NDUFA5: variants seen among roughly 807,000 people sequenced by gnomAD.
NDUFA5 encodes NADH:ubiquinone oxidoreductase subunit A5.
A neutral mutation model predicts 19.8 loss-of-function variants in NDUFA5; 11 were observed. The ratio of observed to expected loss-of-function variants is 0.56; its 90% CI spans 0.35 to 0.92. The LOEUF (loss-of-function observed/expected upper bound fraction) is 0.92, where lower values mean the gene tolerates loss of function less well. Ranked by LOEUF, NDUFA5 falls within the 40% of genes least tolerant of loss-of-function variation. NDUFA5 has a pLI of 0.01. For synonymous variants in NDUFA5, 47 were observed against 46.8 expected (o/e 1.00, Z -0.01); for missense variants, 109 against 134.2 (o/e 0.81, Z 0.93).
chr7:123,561,186 A>C (rs917949322), upstream of NDUFA5, among the ~76,000 whole-genome samples: 29 of 152,254 alleles, frequency 1.9e-4, no homozygotes, highest in African/African-American at 7.2e-5. Context: ...AAGATTTGTC[A>C]GTAGCAGAAG....
the NDUFA5 span, among the ~76,000 whole-genome samples, chr7:123,583,775 GA>G: frequency 6.6e-6 from 1 of 151,846 alleles, no homozygotes; most frequent in African/African-American, 2.4e-5. Context: ...ATAATATACT[GA>G]GAAGCAAAGT....
chr7:123,587,099 T>C, the NDUFA5 span, among the ~76,000 whole-genome samples: 907 of 151,812 alleles, frequency 6.0e-3, 8 homozygotes, highest in African/African-American at 0.02. Flanking sequence ...CCCATTTCTG[T>C]GAAAAACATC....
the NDUFA5 span, among the ~76,000 whole-genome samples, chr7:123,592,206 T>G: frequency 6.6e-6 from 1 of 152,128 alleles, no homozygotes; most frequent in Non-Finnish European, 1.5e-5. Context: ...TTATTAGTCT[T>G]GCTAGCTGTC....
At chr7:123,571,058 G>T in the NDUFA5 span, among the ~76,000 whole-genome samples, 2 of 152,104 alleles carry the variant, frequency 1.3e-5, no homozygotes, top group African/African-American at 2.4e-5. Flanking sequence ...CTGCGTTCCA[G>T]GTCATTTGGG....
chr7:123,555,900 ACTAACT>A (rs1486687221), intron 2 of NDUFA5: 1 of 152,202 alleles, frequency 6.6e-6, no homozygotes, highest in Non-Finnish European at 1.5e-5. Context: ...ATTTTAACAG[ACTAACT>A]CTAGTAGCCT....
chr7:123,580,834 T>C, the NDUFA5 span, among the ~76,000 whole-genome samples: 2 of 152,006 alleles, frequency 1.3e-5, no homozygotes, highest in Non-Finnish European at 2.9e-5. Context: ...ATAGCCATCA[T>C]TATAATTATT....
the NDUFA5 span, among the ~76,000 whole-genome samples, chr7:123,570,092 T>C: frequency 7.1e-6 from 1 of 141,312 alleles, no homozygotes; most frequent in East Asian, 2.2e-4. Flanking sequence ...TGGCTTGCAG[T>C]GGCACGATCT....
chr7:123,557,958 GAA>G (rs1316713430), upstream of NDUFA5: 4 of 1,246,488 alleles, frequency 3.2e-6, no homozygotes, highest in Non-Finnish European at 4.5e-6. Flanking sequence ...TCTTAAAAGA[GAA>G]AAATTGACGC....
chr7:123,592,983 G>A, the NDUFA5 span, among the ~76,000 whole-genome samples: 1 of 152,046 alleles, frequency 6.6e-6, no homozygotes, highest in Non-Finnish European at 1.5e-5. Flanking sequence ...ATTTAGGATA[G>A]TTAGTTCTTC....
the NDUFA5 span, among the ~76,000 whole-genome samples, chr7:123,586,941 A>T: frequency 2.0e-5 from 3 of 151,022 alleles, no homozygotes; most frequent in Non-Finnish European, 4.4e-5. Context: ...CTTGTTTACT[A>T]TATCTTTGTC....
the NDUFA5 span, among the ~76,000 whole-genome samples, chr7:123,571,781 A>T: frequency 7.2e-5 from 11 of 152,108 alleles, no homozygotes; most frequent in African/African-American, 2.7e-4. Flanking sequence ...ATATAGTCCC[A>T]CTTGTCTATT....
chr7:123,558,623 A>G (rs987843719), upstream of NDUFA5, among the ~76,000 whole-genome samples: 4 of 152,262 alleles, frequency 2.6e-5, no homozygotes, highest in African/African-American at 9.6e-5. Context: ...GGAGAAAAGA[A>G]CAAATTGAGA....
the NDUFA5 span, among the ~76,000 whole-genome samples, chr7:123,569,930 A>G: frequency 6.6e-6 from 1 of 152,078 alleles, no homozygotes; most frequent in African/African-American, 2.4e-5. Context: ...GAAGCAAATA[A>G]TGATTGTTAT....
At chr7:123,565,196 A>G in the NDUFA5 span, among the ~76,000 whole-genome samples, 2 of 152,178 alleles carry the variant, frequency 1.3e-5, no homozygotes, top group Non-Finnish European at 2.9e-5. Context: ...TCTCAGCTCA[A>G]ACAGGGAGAG....
chr7:123,582,666 CCTT>C, the NDUFA5 span, among the ~76,000 whole-genome samples: 4 of 151,868 alleles, frequency 2.6e-5, no homozygotes, highest in African/African-American at 9.7e-5. Flanking sequence ...CTCGAAAACT[CCTT>C]CTTATCCTTC....
In NDUFA5 at chr7:123,542,083, T is replaced by A. The variant is rs1293834121; in HGVS notation, c.*36A>T. 7.1e-7 allele frequency: 1 copy of A among 1,416,498 alleles called. No individual in the cohort carries two copies. Among genetic ancestry groups the A allele is most frequent in the Admixed American group, 2.0e-5 (1 of 49,830 alleles). The allele number at this position is 1,416,498 out of a possible 1,614,324, so 87.7% of individuals were successfully genotyped here. ...TAATATAACAGAATATTTAATTACATCAGTTTCCCATGAACACACCAAAGT... is the reference window on the plus strand; with the variant it reads ...TAATATAACAGAATATTTAATTACAACAGTTTCCCATGAACACACCAAAGT... On this transcript the variant is annotated 3_prime_UTR_variant, in exon 5 of 5. Coordinates refer to ENST00000355749, the MANE Select transcript of NDUFA5 (RefSeq NM_005000.5).
chr7:123,546,578 C>T, intron 3 of NDUFA5: 1 of 927,246 alleles, frequency 1.1e-6, no homozygotes, highest in Non-Finnish European at 1.4e-6. Context: ...TGTAAATATA[C>T]CCACATATGT....
At chr7:123,576,838 A>G in the NDUFA5 span, among the ~76,000 whole-genome samples, 6 of 152,104 alleles carry the variant, frequency 3.9e-5, no homozygotes, top group Non-Finnish European at 5.9e-5. Flanking sequence ...TAGTCCTTGC[A>G]TTTCTTGCAG....
chr7:123,571,439 C>T, the NDUFA5 span, among the ~76,000 whole-genome samples: 1 of 152,134 alleles, frequency 6.6e-6, no homozygotes, highest in Non-Finnish European at 1.5e-5. Context: ...TCATTAATCA[C>T]CCTGTGAAAG....
Sources: gnomAD v4.1 joint callset for allele counts (sites outside exome capture counted in the v4.1 genomes callset) on GRCh38, gnomAD v4.1.1 for gene constraint, MANE v1.5 for transcripts, NCBI Gene and HGNC (gene_info 2026-07-23, HGNC 2026-07-21) for gene names.